Variants in RGS7 observed in about 807,000 individuals in gnomAD.
RGS7 encodes the protein regulator of G protein signaling 7, also known as regulator of G-protein signaling 7.
A neutral mutation model predicts 81.1 loss-of-function variants in RGS7; 27 were observed. The ratio of observed to expected loss-of-function variants is 0.33; its 90% CI spans 0.25 to 0.46. The LOEUF is 0.46. Ranked by LOEUF, RGS7 falls within the 20% of genes least tolerant of loss-of-function variation. RGS7 has a pLI of 1.00. For missense variants in RGS7, 396 were observed against 607.4 expected, an observed-to-expected ratio of 0.65 and a Z score of 3.66; for synonymous variants, 208 against 207.7, an observed-to-expected ratio of 1.00 and a Z score of -0.01.
At chr1:241,093,743 C>G (rs958421571) in intron 3 of RGS7, among the ~76,000 whole-genome samples, 1 of 152,088 alleles carries the variant, frequency 6.6e-6, no homozygotes, top group African/African-American at 2.4e-5. Context: ...TTCCTAAGAC[C>G]TTCTCCAGAG....
At chr1:241,343,860 T>G (rs1041106611) in intron 2 of RGS7, among the ~76,000 whole-genome samples, 7 of 152,154 alleles carry the variant, frequency 4.6e-5, no homozygotes, top group African/African-American at 1.7e-4. Context: ...TTATGATATA[T>G]ATTTTTACCA....
intron 2 of RGS7, among the ~76,000 whole-genome samples, chr1:241,147,762 T>A (rs1220177165): frequency 2.2e-4 from 25 of 113,740 alleles, no homozygotes; most frequent in African/African-American, 7.6e-4. Context: ...GGATTAAATA[T>A]CCCATCTAGA....
chr1:240,844,779 CA>C (rs1224547739), intron 9 of RGS7, among the ~76,000 whole-genome samples: 1 of 152,078 alleles, frequency 6.6e-6, no homozygotes, highest in Non-Finnish European at 1.5e-5. Flanking sequence ...TTTCAGAGCA[CA>C]AAAGAAATAT....
rs551190575 is a variant in RGS7, at chr1:241,009,306, T to G, written c.176-26177A>C. ...CGGTTAAATTTCTTTGTTTTCTGCC[T>G]GTATAAGCAAGACCTTAACTTTTCA... On this transcript the variant is annotated intron_variant, in intron 3 of 18. Coordinates refer to ENST00000440928, the MANE Select transcript of RGS7 (RefSeq NM_001364886.1). Among the ~76,000 whole-genome samples the G allele has an allele frequency of 2.0e-3, 308 of 152,346 alleles. 1 individual carries two copies. The highest frequency in any genetic ancestry group is 7.1e-3 in the African/African-American group (294 of 41,586).
chr1:240,878,584 G>C (rs1665870044), intron 6 of RGS7, among the ~76,000 whole-genome samples: 1 of 149,940 alleles, frequency 6.7e-6, no homozygotes, highest in South Asian at 2.1e-4. Flanking sequence ...TAGACTTAAG[G>C]CCCATTAATA....
At chr1:241,241,911 T>C (rs911294591) in intron 2 of RGS7, among the ~76,000 whole-genome samples, 2 of 151,510 alleles carry the variant, frequency 1.3e-5, no homozygotes, top group African/African-American at 4.9e-5. Context: ...AGTAAAACCA[T>C]TTGCTACTCT....
intron 2 of RGS7, among the ~76,000 whole-genome samples, chr1:241,263,142 T>A (rs1489346888): frequency 6.6e-6 from 1 of 151,820 alleles, no homozygotes; most frequent in Non-Finnish European, 1.5e-5. Context: ...CCGGGCATGG[T>A]GGCATGTACC....
intron 2 of RGS7, among the ~76,000 whole-genome samples, chr1:241,314,062 G>A (rs2080717626): frequency 6.6e-6 from 1 of 152,204 alleles, no homozygotes; most frequent in Non-Finnish European, 1.5e-5. Context: ...TACTCCTAGT[G>A]AAGACGCTAT....
intron 2 of RGS7, among the ~76,000 whole-genome samples, chr1:241,224,657 A>C (rs2246909): frequency 0.18 from 28,130 of 152,086 alleles, 3,140 homozygotes; most frequent in African/African-American, 0.32. Flanking sequence ...TATTCACTTT[A>C]CTTGAATATA....
In RGS7 at chr1:241,059,709, A is replaced by G. The variant is rs1572491491; in HGVS notation, c.175+38957T>C. 1.3e-5 allele frequency among the ~76,000 whole-genome samples: 2 copies of G among 151,020 alleles called. 1 individual carries two copies. Among genetic ancestry groups the G allele is most frequent in the South Asian group, 4.1e-4 (2 of 4,832 alleles). On this transcript the variant is annotated intron_variant, in intron 3 of 18. Transcript: ENST00000440928. The stretch of plus-strand genomic sequence containing the variant: ...CCTGATTCTGTGTCTCTCTCTTCAC[A>G]AAGAACTCTGCTACCTGTGGTTGAT...
At chr1:241,302,526 G>A (rs940603629) in intron 2 of RGS7, among the ~76,000 whole-genome samples, 2 of 152,142 alleles carry the variant, frequency 1.3e-5, no homozygotes, top group Admixed American at 6.5e-5. Context: ...TCCAGCCTGG[G>A]CAACAGAGCG....
rs922147355 is a variant in RGS7, at chr1:241,050,611, A to T, written c.175+48055T>A. On this transcript the variant is annotated intron_variant, in intron 3 of 18. Coordinates refer to ENST00000440928, the MANE Select transcript of RGS7 (RefSeq NM_001364886.1). ...TGAACCACATGGGTTTGAACTGCAC[A>T]GGTCTGCTTATCCCTGGATTTTCTC... is the stretch of plus-strand genomic sequence containing the variant. Among the ~76,000 whole-genome samples the T allele has an allele frequency of 7.2e-5, 11 of 152,228 alleles. No individual in the cohort carries two copies. The East Asian group carries it at 2.1e-3, about 29-fold the overall frequency.
chr1:241,204,331 C>G (rs1249800112), intron 2 of RGS7, among the ~76,000 whole-genome samples: 1 of 152,132 alleles, frequency 6.6e-6, no homozygotes, highest in Non-Finnish European at 1.5e-5. Flanking sequence ...TCACCAAGTT[C>G]TAGAGAATTA....
chr1:241,068,582 G>A (rs945343227), intron 3 of RGS7, among the ~76,000 whole-genome samples: 1 of 151,992 alleles, frequency 6.6e-6, no homozygotes, highest in African/African-American at 2.4e-5. Flanking sequence ...GTTTATGAGT[G>A]GAGGAGCTGA....
chr1:241,046,589 C>T (rs1284122645), intron 3 of RGS7, among the ~76,000 whole-genome samples: 1 of 152,104 alleles, frequency 6.6e-6, no homozygotes, highest in Admixed American at 6.5e-5. Context: ...CTTCAACGGC[C>T]GACACCTCCA....
At chr1:240,887,276 C>T (rs10926377) in intron 6 of RGS7, among the ~76,000 whole-genome samples, 55,353 of 145,446 alleles carry the variant, frequency 0.38, 10,735 homozygotes, top group East Asian at 0.5. Context: ...TTGCCCAGGC[C>T]GGAGTGCAGT....
intron 2 of RGS7, among the ~76,000 whole-genome samples, chr1:241,221,572 C>T (rs6429254): frequency 0.38 from 57,916 of 152,148 alleles, 11,822 homozygotes; most frequent in African/African-American, 0.49. Flanking sequence ...CGACAACGCC[C>T]AGATAAGTAG....
At position 241,170,448 on chromosome 1, in the gene RGS7, A is replaced by G. The variant is rs143827040; in HGVS notation, c.79-71686T>C. On this transcript the variant is annotated intron_variant, in intron 2 of 18. Transcript: ENST00000440928. ...TGTTTAGATTCTAGACAACTTCTCA[A>G]TCATCCTAAAGAGATACACATTAGC... Among the ~76,000 whole-genome samples the G allele has an allele frequency of 2.6e-5, 4 of 152,330 alleles. No individual in the cohort carries two copies. The East Asian group carries it at 7.7e-4, about 29-fold the overall frequency.
At chr1:240,818,745 A>C (rs192016615) in intron 10 of RGS7, among the ~76,000 whole-genome samples, 26 of 152,290 alleles carry the variant, frequency 1.7e-4, no homozygotes, top group African/African-American at 5.3e-4. Context: ...AAAAAAGCTA[A>C]AGTAGAGAGT....
Sources: gnomAD v4.1 joint callset for allele counts (sites outside exome capture counted in the v4.1 genomes callset) on GRCh38, gnomAD v4.1.1 for gene constraint, MANE v1.5 for transcripts, NCBI Gene and HGNC (gene_info 2026-07-23, HGNC 2026-07-21) for gene names.